Variants in CNOT1 observed in about 807,000 individuals in gnomAD.
CNOT1 encodes the protein CCR4-NOT transcription complex subunit 1.
A neutral mutation model predicts 273.8 loss-of-function variants in CNOT1; 15 were observed. The observed-to-expected ratio is 0.05, with a 90% CI of 0.04 to 0.08. The LOEUF (loss-of-function observed/expected upper bound fraction) is 0.08. CNOT1 is among the 10% of genes least tolerant of loss of function. CNOT1 has a pLI of 1.00. For missense variants in CNOT1, 1,644 were observed against 2,912.2 expected (o/e 0.56, Z 10.02); for synonymous variants, 1,022 against 1,005.5 (o/e 1.02, Z -0.31).
intron 1 of CNOT1, among the ~76,000 whole-genome samples, chr16:58,604,782 A>G (rs2042609801): frequency 6.9e-6 from 1 of 144,520 alleles, no homozygotes; most frequent in Non-Finnish European, 1.5e-5. Context: ...GCGCAACAAG[A>G]GCGAAACTCC....
At chr16:58,524,942 C>T (rs2039536681) in intron 46 of CNOT1, among the ~76,000 whole-genome samples, 1 of 152,224 alleles carries the variant, frequency 6.6e-6, no homozygotes, top group Non-Finnish European at 1.5e-5. Context: ...CAGTCACATA[C>T]ACCAAAACTG....
At chr16:58,586,441 A>C in intron 7 of CNOT1, 104 bp downstream of exon 7, 1 of 90,834 alleles carries the variant, frequency 1.1e-5, no homozygotes, top group Non-Finnish European at 2.2e-5. Context: ...AGGGGAGGGC[A>C]GGGAGGAGGG....
At chr16:58,610,919 C>T (rs555446496) in intron 1 of CNOT1, among the ~76,000 whole-genome samples, 2 of 152,030 alleles carry the variant, frequency 1.3e-5, no homozygotes, top group African/African-American at 4.8e-5. Context: ...CACCTGTAGC[C>T]CCAGCTACTT....
Position 58,616,192 on chromosome 16 carries a change from C to T in CNOT1, c.-175+13536G>A, listed in dbSNP as rs1332962178. On this transcript the variant is annotated intron_variant, in intron 1 of 48. Transcript: ENST00000317147. Reference sequence around the variant, plus strand: ...CATGATCTCGGCTCACTGCAACCTCCGCCTCCCGGGTTCAAGCAATTCTCT... The same window carrying T: ...CATGATCTCGGCTCACTGCAACCTCTGCCTCCCGGGTTCAAGCAATTCTCT... Among the ~76,000 whole-genome samples the T allele has an allele frequency of 3.2e-5, 4 of 125,658 alleles. 1 individual carries two copies. Among genetic ancestry groups the T allele is most frequent in the Non-Finnish European group, 7.6e-5 (4 of 52,590 alleles). The allele number at this position is 125,658 out of a possible 152,430, so 82.4% of individuals were successfully genotyped here.
chr16:58,560,371 G>C lies in CNOT1; in HGVS notation c.1980-9C>G, dbSNP rs750783437. 3 of 1,612,744 alleles carry C rather than the reference G, an allele frequency of 1.9e-6. No homozygotes were observed. The highest frequency in any genetic ancestry group is 1.7e-5 in the Admixed American group (1 of 59,660). On this transcript the variant is annotated splice_polypyrimidine_tract_variant and intron_variant, in intron 16 of 48. Transcript: ENST00000317147. ...GCTCCTGAGAAACACTCCTAAAATA[G>C]AGGGGAAAAGGTAAAAAATATCAGT... is the stretch of plus-strand genomic sequence containing the variant.
At chr16:58,596,743 C>A (rs1433939880) in intron 2 of CNOT1, among the ~76,000 whole-genome samples, 1 of 151,860 alleles carries the variant, frequency 6.6e-6, no homozygotes, top group Admixed American at 6.6e-5. Flanking sequence ...AAAAAATTAG[C>A]CGGGTGTGGT....
chr16:58,529,378 G>A (rs1432857753), intron 43 of CNOT1, among the ~76,000 whole-genome samples: 4 of 152,190 alleles, frequency 2.6e-5, no homozygotes, highest in Admixed American at 2.0e-4. Context: ...CAAGCTGTGA[G>A]AGTGGGAGAT....
chr16:58,611,811 ACT>A (rs1199355955), intron 1 of CNOT1, among the ~76,000 whole-genome samples: 1 of 113,660 alleles, frequency 8.8e-6, no homozygotes, highest in Non-Finnish European at 1.9e-5. Flanking sequence ...ACAGAACGAG[ACT>A]CTGTCTCAAA....
chr16:58,622,989 G>A (rs1320924429), intron 1 of CNOT1, among the ~76,000 whole-genome samples: 1 of 152,102 alleles, frequency 6.6e-6, no homozygotes, highest in Non-Finnish European at 1.5e-5. Context: ...CCTGAGGTCA[G>A]GAGTTCGAGA....
At chr16:58,619,319 A>T (rs1008089499) in intron 1 of CNOT1, among the ~76,000 whole-genome samples, 1 of 152,194 alleles carries the variant, frequency 6.6e-6, no homozygotes, top group Admixed American at 6.5e-5. Flanking sequence ...GTTAAAACTC[A>T]AGTCCCTTCA....
intron 1 of CNOT1, among the ~76,000 whole-genome samples, chr16:58,603,407 A>ATG (rs2042543737): frequency 0.014 from 1,773 of 126,342 alleles, 36 homozygotes; most frequent in Non-Finnish European, 0.018. Context: ...TACAATTTAA[A>ATG]AGTGTGTGTG....
chr16:58,601,337 T>C (rs2042456575), intron 1 of CNOT1, among the ~76,000 whole-genome samples: 1 of 152,134 alleles, frequency 6.6e-6, no homozygotes, highest in Admixed American at 6.6e-5. Flanking sequence ...GAGCTTGTGA[T>C]CCGCCCGCCT....
chr16:58,574,167 C>A (rs2405858), intron 16 of CNOT1, among the ~76,000 whole-genome samples: 33,753 of 151,692 alleles, frequency 0.22, 4,009 homozygotes, highest in East Asian at 0.31. Context: ...GTCCCAGGTA[C>A]TTGGGAGGTT....
chr16:58,544,021 C>T, intron 30 of CNOT1, 118 bp from the exon 31 acceptor site: 2 of 1,431,642 alleles, frequency 1.4e-6, no homozygotes, highest in Non-Finnish European at 1.8e-6. Flanking sequence ...CCAGTTTCTA[C>T]TTAAAGTTAA....
chr16:58,565,277 A>G (rs1212927164), intron 16 of CNOT1, among the ~76,000 whole-genome samples: 2 of 152,100 alleles, frequency 1.3e-5, no homozygotes, highest in East Asian at 3.9e-4. Context: ...ATGCCCAGCT[A>G]ATTTTTAAAT....
chr16:58,521,804 TAGTC>T (rs1341601289), intron 47 of CNOT1, among the ~76,000 whole-genome samples: 14 of 151,548 alleles, frequency 9.2e-5, no homozygotes, highest in South Asian at 4.2e-4. Flanking sequence ...ATATAAAAAT[TAGTC>T]AGACATGGTG....
chr16:58,621,763 C>CA (rs1263633826), intron 1 of CNOT1, among the ~76,000 whole-genome samples: 2 of 140,770 alleles, frequency 1.4e-5, no homozygotes, highest in African/African-American at 5.2e-5. Context: ...CCAAAAAATA[C>CA]AAAAAACAAA....
chr16:58,565,520 T>C (rs769625243), intron 16 of CNOT1, among the ~76,000 whole-genome samples: 2 of 152,250 alleles, frequency 1.3e-5, no homozygotes, highest in African/African-American at 4.8e-5. Flanking sequence ...GTTCACATTA[T>C]ACCAACTATT....
rs755879091 is a variant in CNOT1, at chr16:58,534,136, G to A, written c.5895+11C>T. The A allele has an allele frequency of 6.8e-6, 11 of 1,611,586 alleles. No individual in the cohort carries two copies. Among genetic ancestry groups the A allele is most frequent in the Non-Finnish European group, 8.5e-6 (10 of 1,178,062 alleles). The stretch of plus-strand genomic sequence containing the variant: ...TGTAGACCAAGACTAAGGCAAGAAA[G>A]GATTTCAGACCTTGTTCAGCAGATT... On this transcript the variant is annotated intron_variant, in intron 40 of 48. Coordinates refer to ENST00000317147, the MANE Select transcript of CNOT1 (RefSeq NM_016284.5).
Sources: gnomAD v4.1 joint callset for allele counts (sites outside exome capture counted in the v4.1 genomes callset) on GRCh38, gnomAD v4.1.1 for gene constraint, MANE v1.5 for transcripts, NCBI Gene and HGNC (gene_info 2026-07-23, HGNC 2026-07-21) for gene names.